Variants in SRPK2 observed in about 807,000 individuals in gnomAD.
The protein encoded by SRPK2 is SRSF protein kinase 2.
A neutral mutation model predicts 90.8 loss-of-function variants in SRPK2; 21 were observed. The ratio of observed to expected loss-of-function variants is 0.23; its 90% CI spans 0.16 to 0.33. The LOEUF (loss-of-function observed/expected upper bound fraction) is 0.33, where lower values mean the gene tolerates loss of function less well. Ranked by LOEUF, SRPK2 falls within the 10% of genes least tolerant of loss-of-function variation. The pLI, the probability that SRPK2 is intolerant of heterozygous loss-of-function variation, is 1.00. For synonymous variants in SRPK2, 288 were observed against 311.1 expected, an observed-to-expected ratio of 0.93 and a Z score of 0.78; for missense variants, 620 against 869.0, an observed-to-expected ratio of 0.71 and a Z score of 3.60.
intron 2 of SRPK2, among the ~76,000 whole-genome samples, chr7:105,329,297 A>G (rs1274447740): frequency 6.6e-6 from 1 of 152,208 alleles, no homozygotes; most frequent in African/African-American, 2.4e-5. Flanking sequence ...TCATGTACTA[A>G]TGTGGATGGA....
chr7:105,119,478 A>G (rs1406001104), intron 15 of SRPK2, among the ~76,000 whole-genome samples: 1 of 152,216 alleles, frequency 6.6e-6, no homozygotes, highest in East Asian at 1.9e-4. Flanking sequence ...AGTTGCAATC[A>G]TGCTGTGCAC....
chr7:105,231,940 C>G (rs762877682), intron 2 of SRPK2, among the ~76,000 whole-genome samples: 38 of 152,180 alleles, frequency 2.5e-4, no homozygotes, highest in Non-Finnish European at 2.9e-5. Context: ...TCACTGTAAC[C>G]TTGAACTCCT....
intron 2 of SRPK2, among the ~76,000 whole-genome samples, chr7:105,294,028 T>G (rs1310154768): frequency 6.6e-6 from 1 of 152,090 alleles, no homozygotes; most frequent in Non-Finnish European, 1.5e-5. Flanking sequence ...ATCCAATCCC[T>G]CGGAGTGATA....
chr7:105,314,532 C>T (rs1021352870), intron 2 of SRPK2, among the ~76,000 whole-genome samples: 2 of 152,014 alleles, frequency 1.3e-5, no homozygotes, highest in Non-Finnish European at 2.9e-5. Flanking sequence ...TACAGGTGTG[C>T]ACCATCACGC....
intron 3 of SRPK2, among the ~76,000 whole-genome samples, chr7:105,197,791 T>G (rs1398714472): frequency 1.3e-5 from 2 of 152,224 alleles, no homozygotes; most frequent in Non-Finnish European, 2.9e-5. Flanking sequence ...GGAAATGACA[T>G]GTTTTCATAC....
rs1491241882 is a variant in SRPK2, at chr7:105,215,697, CCT to C, written c.72-11914_72-11913del. 2.0e-5 allele frequency among the ~76,000 whole-genome samples: 3 copies of C among 151,978 alleles called. No homozygotes were observed. The South Asian group carries it at 6.2e-4, about 32-fold the overall frequency. On this transcript the variant is annotated intron_variant, in intron 2 of 15. Transcript: ENST00000393651. The stretch of plus-strand genomic sequence containing the variant: ...CATAGATGCTACCACATGGATGACC[CCT>C]GACAGCATTAAAGTATTATAAATCA...
At chr7:105,217,576 A>T (rs1037138966) in intron 2 of SRPK2, among the ~76,000 whole-genome samples, 2 of 152,250 alleles carry the variant, frequency 1.3e-5, no homozygotes, top group Non-Finnish European at 2.9e-5. Flanking sequence ...CCACCAATGC[A>T]GACTGATACT....
At chr7:105,144,606 C>T (rs182747648) in intron 9 of SRPK2, among the ~76,000 whole-genome samples, 25 of 152,118 alleles carry the variant, frequency 1.6e-4, no homozygotes, top group African/African-American at 4.3e-4. Context: ...ATTTAACATC[C>T]GCATGGAAAA....
At chr7:105,245,034 A>ACAC (rs1801424283) in intron 2 of SRPK2, 44 of 524,126 alleles carry the variant, frequency 8.4e-5, no homozygotes, top group Middle Eastern at 5.2e-4. Context: ...AAACAAAACA[A>ACAC]ACACACACAC....
intron 2 of SRPK2, among the ~76,000 whole-genome samples, chr7:105,366,358 C>T (rs1238709023): frequency 7.1e-6 from 1 of 140,248 alleles, no homozygotes; most frequent in Non-Finnish European, 1.5e-5. Context: ...TTAGCATCTA[C>T]AGGTATGCCT....
chr7:105,231,900 T>C (rs1799467456), intron 2 of SRPK2, among the ~76,000 whole-genome samples: 1 of 152,242 alleles, frequency 6.6e-6, no homozygotes, highest in Non-Finnish European at 1.5e-5. Context: ...CTCTGTCACC[T>C]AGTCTGGAGT....
chr7:105,360,871 T>C (rs951203435), intron 2 of SRPK2, among the ~76,000 whole-genome samples: 6 of 152,122 alleles, frequency 3.9e-5, no homozygotes, highest in Non-Finnish European at 8.8e-5. Context: ...GCCAATATCA[T>C]ACTGAATGGG....
chr7:105,224,631 TTAAGATATTTTA>T (rs1798499969), intron 2 of SRPK2, among the ~76,000 whole-genome samples: 1 of 152,140 alleles, frequency 6.6e-6, no homozygotes, highest in East Asian at 1.9e-4. Flanking sequence ...AATAATAACT[TTAAGATATTTTA>T]ATTATCCAGT....
chr7:105,294,671 G>A lies in SRPK2; in HGVS notation c.72-90886C>T, dbSNP rs1050078207. 6.6e-5 allele frequency among the ~76,000 whole-genome samples: 10 copies of A among 151,904 alleles called. No homozygotes were observed. In the East Asian group the frequency reaches 9.7e-4, roughly 15 times the overall value. The stretch of plus-strand genomic sequence containing the variant: ...TTCTCAAGCAGCTGGGATTATAGAC[G>A]CGCACCACCATGCCTGGCTAATTTT... On this transcript the variant is annotated intron_variant, in intron 2 of 15. Coordinates refer to ENST00000393651, the MANE Select transcript of SRPK2 (RefSeq NM_182692.3).
At chr7:105,237,917 G>A (rs1009026374) in intron 2 of SRPK2, among the ~76,000 whole-genome samples, 2 of 152,162 alleles carry the variant, frequency 1.3e-5, no homozygotes, top group African/African-American at 2.4e-5. Flanking sequence ...GGCAATAAAA[G>A]CAGCAGTAGA....
chr7:105,252,272 T>C (rs1802577612), intron 2 of SRPK2, among the ~76,000 whole-genome samples: 1 of 152,034 alleles, frequency 6.6e-6, no homozygotes, highest in Non-Finnish European at 1.5e-5. Flanking sequence ...CTGTAAAATA[T>C]AATACTGTCA....
At chr7:105,176,817 T>A (rs2129594482) in intron 3 of SRPK2, among the ~76,000 whole-genome samples, 1 of 151,962 alleles carries the variant, frequency 6.6e-6, no homozygotes, top group Middle Eastern at 3.4e-3. Flanking sequence ...GTATTTTTAG[T>A]AGAGACAGGG....
intron 3 of SRPK2, among the ~76,000 whole-genome samples, chr7:105,176,563 GTGTGTGTGTGTGTGTGTATGTATATA>G (rs1791882561): frequency 6.9e-5 from 10 of 145,582 alleles, no homozygotes; most frequent in African/African-American, 2.4e-4. Flanking sequence ...ATATATGTGT[GTGTGTGTGTGTGTGTGTATGTATATA>G]TGTGTGTGTG....
intron 2 of SRPK2, among the ~76,000 whole-genome samples, chr7:105,282,686 G>T (rs1807504415): frequency 6.6e-6 from 1 of 152,148 alleles, no homozygotes; most frequent in African/African-American, 2.4e-5. Flanking sequence ...CTACTCGGGG[G>T]ACTGAGGCAT....
Sources: gnomAD v4.1 joint callset for allele counts (sites outside exome capture counted in the v4.1 genomes callset) on GRCh38, gnomAD v4.1.1 for gene constraint, MANE v1.5 for transcripts, NCBI Gene and HGNC (gene_info 2026-07-23, HGNC 2026-07-21) for gene names.